Variants in FLAD1 observed in about 807,000 individuals in gnomAD.
FLAD1 encodes the protein bifunctional FAD diphosphatase/FAD synthase.
FLAD1 carries 35 observed loss-of-function variants against 55.0 expected under a neutral mutation model. The observed-to-expected ratio is 0.64, with a 90% confidence interval of 0.49 to 0.84. The LOEUF (loss-of-function observed/expected upper bound fraction) is 0.84, where lower values mean the gene tolerates loss of function less well. FLAD1 is among the 40% of genes least tolerant of loss of function. The pLI is 0.00. For missense variants in FLAD1, 665 were observed against 742.6 expected, an observed-to-expected ratio of 0.90 and a Z score of 1.21; for synonymous variants, 267 against 303.0, an observed-to-expected ratio of 0.88 and a Z score of 1.23.
chr1:154,991,415 C>T (rs867706506), intron 5 of FLAD1, among the ~76,000 whole-genome samples: 17 of 150,728 alleles, frequency 1.1e-4, no homozygotes, highest in African/African-American at 2.4e-4. Flanking sequence ...ATTAGCGGAG[C>T]GTGGTGGCAG....
chr1:154,987,708 A>G, intron 1 of FLAD1: 1 of 301,316 alleles, frequency 3.3e-6, no homozygotes, highest in Non-Finnish European at 6.2e-6. Flanking sequence ...AGGCTGAGGC[A>G]GGAGGATCAC....
At chr1:154,990,590 G>A in intron 5 of FLAD1, 62 bp downstream of exon 5, 1 of 1,464,428 alleles carries the variant, frequency 6.8e-7, no homozygotes, top group South Asian at 1.4e-5. Context: ...CTGCACCCTA[G>A]CTCACCTGCA....
chr1:154,992,638 C>T, intron 5 of FLAD1, 75 bp from the exon 6 acceptor site: 1 of 1,614,136 alleles, frequency 6.2e-7, no homozygotes, highest in South Asian at 1.1e-5. Flanking sequence ...CATGGATGGG[C>T]CCCTTCCCAG....
chr1:154,990,198 T>C lies in FLAD1; in HGVS notation c.1305T>C (p.Tyr435=), dbSNP rs1657800296. The C allele has an allele frequency of 1.2e-6, 2 of 1,614,158 alleles. No individual in the cohort carries two copies. Among genetic ancestry groups the C allele is most frequent in the African/African-American group, 2.7e-5 (2 of 75,050 alleles). ...PDVPNPLQIL[Y]IRSISPFPEL... ...TTCCAAACCCCCTCCAGATCCTGTA[T>C]ATCCGCAGCATCTCCCCTTTCCCTG... The change falls in exon 4 of 7, where the codon TAT becomes TAC. Residue 435 remains tyrosine (Y), a synonymous_variant. Transcript: ENST00000292180.
intron 2 of FLAD1, 157 bp downstream of exon 2, chr1:154,989,006 G>C: frequency 2.7e-6 from 4 of 1,468,636 alleles, no homozygotes; most frequent in Non-Finnish European, 3.6e-6. Context: ...TGTTGATTGA[G>C]TACCTATTTT....
intron 5 of FLAD1, among the ~76,000 whole-genome samples, chr1:154,991,766 C>G (rs1046216436): frequency 6.6e-6 from 1 of 151,528 alleles, no homozygotes; most frequent in Non-Finnish European, 1.5e-5. Flanking sequence ...GCGGGAAGAT[C>G]GCTTGAGCCA....
chr1:154,988,483 G>A lies in FLAD1; in HGVS notation c.751G>A (p.Val251Ile), dbSNP rs192926060. Residue 251 changes from valine (V) to isoleucine (I), a missense_variant, in exon 2 of 7, where the codon GTC becomes ATC. Transcript: ENST00000292180. Reference protein sequence around the residue: ...FRFPLVSVRNVYLFPGIPELL... With the variant: ...FRFPLVSVRNIYLFPGIPELL... ...ATTCCCTCTGGTCTCCGTCCGAAAC[G>A]TCTACCTCTTCCCAGGCATTCCAGA... is the stretch of plus-strand genomic sequence containing the variant. 21 of 1,614,232 alleles carry A rather than the reference G, an allele frequency of 1.3e-5. No individual in the cohort carries two copies. The highest frequency in any genetic ancestry group is 1.7e-5 in the Non-Finnish European group (20 of 1,180,048).
chr1:154,984,708 C>CA (rs201533169), intron 1 of FLAD1, among the ~76,000 whole-genome samples: 794 of 57,878 alleles, frequency 0.014, 7 homozygotes, highest in South Asian at 0.034. Context: ...AACTCCGTCT[C>CA]AAAAAAAAAA....
chr1:154,983,616 CG>C lies in FLAD1; in HGVS notation c.-77del. 2 of 1,466,794 alleles carry C rather than the reference CG, an allele frequency of 1.4e-6. No individual in the cohort carries two copies. Among genetic ancestry groups the C allele is most frequent in the Non-Finnish European group, 1.8e-6 (2 of 1,089,008 alleles). 90.9% of individuals were successfully genotyped at this position (1,466,794 alleles called of 1,614,324 possible). On this transcript the variant is annotated 5_prime_UTR_variant, in exon 1 of 7. It introduces an in-frame stop codon into an upstream open reading frame of the 5' UTR. Transcript: ENST00000292180. ...CACTTGAGGAGACCAGCTCAGCAAA[CG>C]GAAGACACTTAAAGTGGTAGGTTCT...
At position 154,992,453 on chromosome 1, in the gene FLAD1, T is replaced by TAGAC. The variant is rs10683289; in HGVS notation, c.1555-259_1555-256dup. 54,302 of 955,000 alleles carry TAGAC rather than the reference T, an allele frequency of 0.057. 6,281 individuals carry two copies. Among genetic ancestry groups the TAGAC allele is most frequent in the African/African-American group, 0.44 (25,910 of 59,156 alleles). 59.2% of individuals were successfully genotyped at this position (955,000 alleles called of 1,614,324 possible). A position where few individuals can be genotyped will look rare whatever the true frequency, so the allele number is the denominator to read the frequency against. ...GCCAGACTCCGTCTCAAAAAAAAAATAGACGGTTTCTCCCTGTCCTCAAGC... is the reference window on the plus strand; with the variant it reads ...GCCAGACTCCGTCTCAAAAAAAAAATAGACAGACGGTTTCTCCCTGTCCTCAAGC... On this transcript the variant is annotated intron_variant, in intron 5 of 6. Transcript: ENST00000292180.
At chr1:154,988,051 C>T (rs1657693649) in intron 1 of FLAD1, 54 bp from the exon 2 acceptor site, 1 of 1,613,424 alleles carries the variant, frequency 6.2e-7, no homozygotes, top group African/African-American at 1.3e-5. Context: ...ATCTTCAACC[C>T]CTCCCCTTCA....
At position 154,992,771 on chromosome 1, in the gene FLAD1, T is replaced by C. The variant is rs1386227051; in HGVS notation, c.1613T>C (p.Ile538Thr). 2 of 1,613,988 alleles carry C rather than the reference T, an allele frequency of 1.2e-6. No homozygotes were observed. The highest frequency in any genetic ancestry group is 3.3e-5 in the Admixed American group (2 of 59,990). Residue 538 changes from isoleucine (I) to threonine (T), a missense_variant, in exon 6 of 7, where the codon ATC (isoleucine) becomes ACC (threonine). Physicochemically the swap from Ile to Thr is moderately conservative, Grantham distance 89. Coordinates refer to ENST00000292180, the MANE Select transcript of FLAD1 (RefSeq NM_025207.5). ...CGTCAGCTGTTTGTCCCATACTGTA[T>C]CCTGTATGACCGAGGGTAAGGGTAT... is the stretch of plus-strand genomic sequence containing the variant. ...FLRQLFVPYC[I>T]LYDRGYTSLG...
At position 154,989,584 on chromosome 1, in the gene FLAD1, C is replaced by T. The variant is rs1468527177; in HGVS notation, c.1142C>T (p.Ala381Val). The change falls in exon 3 of 7, where the codon GCA becomes GTA. Residue 381 changes from alanine to valine, a missense_variant. Physicochemically the swap from Ala to Val is moderately conservative, Grantham distance 64. Coordinates refer to ENST00000292180, the MANE Select transcript of FLAD1 (RefSeq NM_025207.5). The stretch of plus-strand genomic sequence containing the variant: ...GGGTCTTCTTTGGGGAAAAAGGTGG[C>T]AGGTGCCCTACAGACCATTGAGACC... ...ESGSSLGKKV[A>V]GALQTIETSL... 1 of 1,585,226 alleles carries T rather than the reference C, an allele frequency of 6.3e-7. No individual in the cohort carries two copies. The highest frequency in any genetic ancestry group is 8.6e-7 in the Non-Finnish European group (1 of 1,164,424).
intron 2 of FLAD1, 101 bp from the exon 3 acceptor site, chr1:154,989,459 T>A (rs1657766980): frequency 8.3e-7 from 1 of 1,208,318 alleles, no homozygotes; most frequent in Non-Finnish European, 1.1e-6. Flanking sequence ...CTCAGAACAC[T>A]GGGAAGATAT....
intron 4 of FLAD1, 24 bp from the exon 5 acceptor site, chr1:154,990,315 C>A (rs1657805447): frequency 6.2e-7 from 1 of 1,613,448 alleles, no homozygotes; most frequent in Non-Finnish European, 8.5e-7. Flanking sequence ...CCACGCCCGA[C>A]CCCTACTTCT....
intron 1 of FLAD1, among the ~76,000 whole-genome samples, chr1:154,987,031 CTT>C (rs11295595): frequency 1.4e-5 from 2 of 144,378 alleles, no homozygotes; most frequent in African/African-American, 5.1e-5. Context: ...AACACAGACC[CTT>C]TTTTTTTTTT....
chr1:154,983,944 G>A lies in FLAD1; in HGVS notation c.250G>A (p.Gly84Ser), dbSNP rs781206370. The change falls in exon 1 of 7, where the codon GGC becomes AGC. Residue 84 changes from glycine (G) to serine (S), a missense_variant. Transcript: ENST00000292180. Reference protein sequence around the residue: ...CLRPLFGGLGGYWRALQRGRE... With the variant: ...CLRPLFGGLGSYWRALQRGRE... ...GCGACCCCTATTTGGGGGTCTGGGT[G>A]GCTACTGGAGGGCCTTGCAGAGGGG... The A allele has an allele frequency of 6.2e-7, 1 of 1,601,174 alleles. No homozygotes were observed. The highest frequency in any genetic ancestry group is 8.5e-7 in the Non-Finnish European group (1 of 1,172,498).
At chr1:154,989,737 T>C in intron 3 of FLAD1, 30 bp downstream of exon 3, 1 of 1,490,412 alleles carries the variant, frequency 6.7e-7, no homozygotes, top group Non-Finnish European at 9.0e-7. Context: ...ACAAGACCCC[T>C]GATCTGTTTC....
chr1:154,986,745 C>A (rs1391087348), intron 1 of FLAD1, among the ~76,000 whole-genome samples: 1 of 123,170 alleles, frequency 8.1e-6, no homozygotes, highest in Non-Finnish European at 1.6e-5. Context: ...GTCTCACTGT[C>A]GCCTAGGCTA....
Sources: allele counts gnomAD v4.1 joint callset (sites outside exome capture counted in the v4.1 genomes callset), GRCh38; gene constraint gnomAD v4.1.1; transcripts MANE v1.5; gene names NCBI Gene and HGNC (gene_info 2026-07-23, HGNC 2026-07-21).